The following CPOX variants were observed in gnomAD, a reference collection of about 807,000 sequenced individuals.
CPOX encodes the protein coproporphyrinogen oxidase.
Under a neutral mutation model 48.9 loss-of-function variants are expected in CPOX, and 24 were observed. The ratio of observed to expected loss-of-function variants is 0.49; its 90% confidence interval spans 0.36 to 0.69. The LOEUF is 0.69. Among genes scored for constraint, CPOX ranks in the 30% least tolerant of loss-of-function variants. CPOX has a pLI of 0.00. For missense variants in CPOX, 549 were observed against 597.3 expected (o/e 0.92, Z 0.84); for synonymous variants, 249 against 234.6 (o/e 1.06, Z -0.56).
At chr3:98,582,681 C>A (rs183831183) in intron 5 of CPOX, among the ~76,000 whole-genome samples, 1 of 151,988 alleles carries the variant, frequency 6.6e-6, no homozygotes, top group African/African-American at 2.4e-5. Context: ...TTAGTAGAGA[C>A]GAGGTCTCAT....
In CPOX at chr3:98,593,159, G is replaced by A. The variant is rs914070710; in HGVS notation, c.346C>T (p.Pro116Ser). 2 of 1,611,512 alleles carry A rather than the reference G, an allele frequency of 1.2e-6. No individual in the cohort carries two copies. The highest frequency in any genetic ancestry group is 1.3e-5 in the African/African-American group (1 of 74,890). ...GCCAGCTCATCCTCCTCCTCCTCCG[G>A]CCTCCCCAGCGAAGTGGCCCGCGTC... ...SGTRATSLGR[P>S]EEEEDELAHR... The change falls in exon 1 of 7, where the codon CCG becomes TCG. Residue 116 changes from proline to serine, a missense_variant. Pro to Ser is a moderately conservative substitution (Grantham distance 74, BLOSUM62 -1). Transcript: ENST00000647941.
downstream of CPOX, chr3:98,578,386 T>C: frequency 4.8e-6 from 1 of 209,246 alleles, no homozygotes; most frequent in Non-Finnish European, 8.3e-6. Context: ...TTTTCTATTT[T>C]TTAAAAGCTA....
intron 2 of CPOX, 102 bp downstream of exon 2, chr3:98,590,910 G>A (rs748458175): frequency 2.0e-5 from 29 of 1,439,204 alleles, no homozygotes; most frequent in Non-Finnish European, 2.8e-5. Context: ...ATATGAACCC[G>A]AATGGCTTTT....
intron 5 of CPOX, among the ~76,000 whole-genome samples, chr3:98,581,928 C>A (rs1298774522): frequency 6.6e-6 from 1 of 152,182 alleles, no homozygotes; most frequent in Non-Finnish European, 1.5e-5. Context: ...TGCCTGTAAC[C>A]CACAACTACT....
At chr3:98,584,371 T>C (rs1465357947) in intron 5 of CPOX, among the ~76,000 whole-genome samples, 1 of 152,000 alleles carries the variant, frequency 6.6e-6, no homozygotes, top group Non-Finnish European at 1.5e-5. Flanking sequence ...TTTAAGAAAT[T>C]ATGGAAGCAA....
At chr3:98,585,875 T>C (rs1471878614) in intron 4 of CPOX, 5 of 536,250 alleles carry the variant, frequency 9.3e-6, no homozygotes, top group Non-Finnish European at 1.7e-5. Flanking sequence ...TTTTCTTTTC[T>C]TTTCTTTTTT....
At chr3:98,571,561 G>A in the CPOX span, among the ~76,000 whole-genome samples, 2 of 149,958 alleles carry the variant, frequency 1.3e-5, no homozygotes, top group African/African-American at 2.4e-5. Context: ...AGTGGCGGGC[G>A]CCTGTAGTCC....
chr3:98,582,128 A>C (rs1707269609), intron 5 of CPOX, among the ~76,000 whole-genome samples: 1 of 152,172 alleles, frequency 6.6e-6, no homozygotes, highest in Admixed American at 6.5e-5. Flanking sequence ...GTTGAGTTGC[A>C]GTGTTTTCAT....
intron 4 of CPOX, 121 bp downstream of exon 4, chr3:98,588,592 C>T: frequency 2.0e-6 from 2 of 1,010,212 alleles, no homozygotes; most frequent in Admixed American, 1.9e-5. Flanking sequence ...TTCTGATGAG[C>T]AAAGTAAGAA....
intron 4 of CPOX, 101 bp from the exon 5 acceptor site, chr3:98,585,760 T>A: frequency 1.1e-6 from 1 of 911,462 alleles, no homozygotes; most frequent in Non-Finnish European, 1.8e-6. Flanking sequence ...TCAACTAATG[T>A]CAGGATGGTG....
At chr3:98,592,530 CAGG>C (rs1006710610) in intron 1 of CPOX, among the ~76,000 whole-genome samples, 2 of 152,084 alleles carry the variant, frequency 1.3e-5, no homozygotes, top group Non-Finnish European at 2.9e-5. Context: ...ACTTAGCGCA[CAGG>C]AGATGAGTTC....
chr3:98,581,576 CAA>C, intron 5 of CPOX, 65 bp from the exon 6 acceptor site: 1 of 1,312,072 alleles, frequency 7.6e-7, no homozygotes, highest in Non-Finnish European at 1.1e-6. Flanking sequence ...TAACCCATAA[CAA>C]ATACTTAAAA....
the CPOX span, among the ~76,000 whole-genome samples, chr3:98,572,432 T>C: frequency 6.6e-6 from 1 of 152,248 alleles, no homozygotes. Flanking sequence ...TTATAGCATC[T>C]ATTTCTTTAT....
At chr3:98,586,871 A>G (rs147527861) in intron 4 of CPOX, among the ~76,000 whole-genome samples, 13 of 151,852 alleles carry the variant, frequency 8.6e-5, no homozygotes, top group African/African-American at 3.1e-4. Flanking sequence ...GTGAACCCGG[A>G]AGGCAGAGCT....
downstream of CPOX, among the ~76,000 whole-genome samples, chr3:98,574,715 A>G (rs943100063): frequency 3.9e-5 from 6 of 152,218 alleles, no homozygotes; most frequent in South Asian, 2.1e-4. Context: ...CTGAGCTGGG[A>G]TTACAGGCGC....
chr3:98,581,572 A>T, intron 5 of CPOX, 61 bp from the exon 6 acceptor site: 1 of 1,338,130 alleles, frequency 7.5e-7, no homozygotes. Context: ...AGACTAACCC[A>T]TAACAAATAC....
the CPOX span, among the ~76,000 whole-genome samples, chr3:98,570,799 G>C: frequency 6.6e-6 from 1 of 152,132 alleles, no homozygotes; most frequent in Non-Finnish European, 1.5e-5. Flanking sequence ...TAAGAACTTT[G>C]AAGCCATCTG....
At chr3:98,572,124 G>T in the CPOX span, among the ~76,000 whole-genome samples, 1 of 152,250 alleles carries the variant, frequency 6.6e-6, no homozygotes, top group South Asian at 2.1e-4. Context: ...TGCTTCCCCT[G>T]ACTTGCTCTG....
the CPOX span, among the ~76,000 whole-genome samples, chr3:98,571,882 TTTGC>T: frequency 6.4e-3 from 974 of 152,242 alleles, 15 homozygotes; most frequent in African/African-American, 0.022. Flanking sequence ...TAGTTTTTTA[TTTGC>T]TTGTTCATTT....
Sources: allele counts gnomAD v4.1 joint callset (sites outside exome capture counted in the v4.1 genomes callset), GRCh38; gene constraint gnomAD v4.1.1; transcripts MANE v1.5; gene names NCBI Gene and HGNC (gene_info 2026-07-23, HGNC 2026-07-21).